The following FOXO3 variants were observed in gnomAD, a reference collection of about 807,000 sequenced individuals.
FOXO3 encodes forkhead box protein O3.
A neutral mutation model predicts 41.9 loss-of-function variants in FOXO3; 4 were observed. The ratio of observed to expected loss-of-function variants is 0.10; its 90% CI spans 0.05 to 0.22. The LOEUF (loss-of-function observed/expected upper bound fraction) is 0.22. FOXO3 is among the 10% of genes least tolerant of loss of function. The pLI is 1.00. For missense variants in FOXO3, 534 were observed against 906.8 expected (o/e 0.59, Z 5.28); for synonymous variants, 318 against 389.3 (o/e 0.82, Z 2.16).
chr6:108,608,141 C>T (rs1312742866), intron 1 of FOXO3, among the ~76,000 whole-genome samples: 1 of 152,158 alleles, frequency 6.6e-6, no homozygotes, highest in Non-Finnish European at 1.5e-5. Context: ...TGTGCAAATT[C>T]ATATGCATAC....
chr6:108,663,435 A>G lies in FOXO3; in HGVS notation c.622-20A>G. 6.3e-7 allele frequency: 1 copy of G among 1,584,800 alleles called. No homozygotes were observed. The highest frequency in any genetic ancestry group is 1.4e-5 in the African/African-American group (1 of 73,882). On this transcript the variant is annotated intron_variant, in intron 1 of 2. Coordinates refer to ENST00000406360, the MANE Select transcript of FOXO3 (RefSeq NM_001455.4). ...TGGACCATTCTGGTTCATACTCTGT[A>G]TTTTCTTTTCTCCCTGCAGAACTCC...
chr6:108,615,784 C>T lies in FOXO3; in HGVS notation c.622-47671C>T, dbSNP rs147590782. 2.9e-3 allele frequency among the ~76,000 whole-genome samples: 446 copies of T among 152,140 alleles called. 1 individual carries two copies. The highest frequency in any genetic ancestry group is 8.3e-3 in the South Asian group (40 of 4,824). ...TCATTTTCAGTCTTTCCCTGTGCTT[C>T]ATTTGGGTTAGTTGGTTAGTTGCTG... On this transcript the variant is annotated intron_variant, in intron 1 of 2. Transcript: ENST00000406360.
intron 1 of FOXO3, among the ~76,000 whole-genome samples, chr6:108,569,220 A>G (rs1241392438): frequency 2.6e-5 from 4 of 152,196 alleles, no homozygotes; most frequent in Admixed American, 2.0e-4. Flanking sequence ...TATTTCAAGG[A>G]CCAGTCTGCA....
intron 1 of FOXO3, among the ~76,000 whole-genome samples, chr6:108,658,978 A>G (rs1485766520): frequency 1.3e-5 from 2 of 152,024 alleles, no homozygotes; most frequent in Non-Finnish European, 2.9e-5. Flanking sequence ...TCAGCCTCCC[A>G]GGCACAAGTG....
At chr6:108,604,558 T>C (rs1431774738) in intron 1 of FOXO3, among the ~76,000 whole-genome samples, 6 of 152,230 alleles carry the variant, frequency 3.9e-5, no homozygotes, top group Non-Finnish European at 8.8e-5. Flanking sequence ...ATAATCAGTT[T>C]GCTTTCTTGT....
At chr6:108,650,698 C>G (rs1178404472) in intron 1 of FOXO3, among the ~76,000 whole-genome samples, 1 of 152,166 alleles carries the variant, frequency 6.6e-6, no homozygotes, top group Admixed American at 6.5e-5. Flanking sequence ...AATTAACTTA[C>G]ACATTTGGGA....
intron 1 of FOXO3, among the ~76,000 whole-genome samples, chr6:108,594,448 C>T (rs1776818082): frequency 6.6e-6 from 1 of 152,102 alleles, no homozygotes; most frequent in Non-Finnish European, 1.5e-5. Context: ...AGGTATGATC[C>T]AGCCCCATGG....
chr6:108,591,242 G>A (rs1776726318), intron 1 of FOXO3, among the ~76,000 whole-genome samples: 1 of 152,204 alleles, frequency 6.6e-6, no homozygotes, highest in African/African-American at 2.4e-5. Context: ...AACCAGGCCT[G>A]TTGTAGACAG....
intron 1 of FOXO3, among the ~76,000 whole-genome samples, chr6:108,608,363 A>T (rs751499474): frequency 6.6e-6 from 1 of 152,250 alleles, no homozygotes; most frequent in Non-Finnish European, 1.5e-5. Flanking sequence ...TCTTACAAGT[A>T]GTTCTGCCAA....
In FOXO3 at chr6:108,637,447, G is replaced by A. The variant is rs544936332; in HGVS notation, c.622-26008G>A. Among the ~76,000 whole-genome samples, 234 of 152,192 alleles carry A rather than the reference G, an allele frequency of 1.5e-3. 1 individual carries two copies. Among genetic ancestry groups the A allele is most frequent in the Non-Finnish European group, 1.7e-3 (116 of 68,006 alleles). ...CGTGGTTCTCCCCCAGAATACTGGGGGGCAAATCTCGTTCAATAATAGAAA... is the reference window on the plus strand; with the variant it reads ...CGTGGTTCTCCCCCAGAATACTGGGAGGCAAATCTCGTTCAATAATAGAAA... On this transcript the variant is annotated intron_variant, in intron 1 of 2. Coordinates refer to ENST00000406360, the MANE Select transcript of FOXO3 (RefSeq NM_001455.4).
intron 1 of FOXO3, among the ~76,000 whole-genome samples, chr6:108,581,764 T>C (rs974135427): frequency 2.0e-5 from 3 of 152,176 alleles, no homozygotes; most frequent in Non-Finnish European, 4.4e-5. Flanking sequence ...ATTCTGTCTG[T>C]GAACTAAATC....
At chr6:108,636,439 C>T (rs1047426526) in intron 1 of FOXO3, among the ~76,000 whole-genome samples, 8 of 152,092 alleles carry the variant, frequency 5.3e-5, no homozygotes, top group African/African-American at 1.7e-4. Context: ...CAGGTTAAAC[C>T]TTCGGGAATA....
chr6:108,623,731 A>G (rs1562248320), intron 1 of FOXO3, among the ~76,000 whole-genome samples: 1 of 152,152 alleles, frequency 6.6e-6, no homozygotes. Flanking sequence ...AATAAAGGGG[A>G]AGGGAAGGAA....
At chr6:108,678,493 CTTTTTTT>C (rs11417953) in intron 2 of FOXO3, among the ~76,000 whole-genome samples, 3 of 143,682 alleles carry the variant, frequency 2.1e-5, no homozygotes, top group Non-Finnish European at 4.5e-5. Flanking sequence ...TATGAATATA[CTTTTTTT>C]TTTTTTTTTA....
chr6:108,648,093 C>T (rs1301419139), intron 1 of FOXO3, among the ~76,000 whole-genome samples: 1 of 152,164 alleles, frequency 6.6e-6, no homozygotes, highest in African/African-American at 2.4e-5. Context: ...CTGGAAGCAC[C>T]TCTGCCAAGG....
intron 1 of FOXO3, among the ~76,000 whole-genome samples, chr6:108,621,284 G>A (rs1315666052): frequency 6.6e-6 from 1 of 152,090 alleles, no homozygotes; most frequent in Non-Finnish European, 1.5e-5. Flanking sequence ...TAGTCATTGG[G>A]GTGACTCGTG....
At chr6:108,607,215 G>A (rs1484286732) in intron 1 of FOXO3, among the ~76,000 whole-genome samples, 1 of 152,136 alleles carries the variant, frequency 6.6e-6, no homozygotes, top group African/African-American at 2.4e-5. Flanking sequence ...ACTTTGGAAG[G>A]CCAAGGAGGG....
chr6:108,679,224 G>A (rs753813344), intron 2 of FOXO3, among the ~76,000 whole-genome samples: 1 of 152,020 alleles, frequency 6.6e-6, no homozygotes, highest in Non-Finnish European at 1.5e-5. Flanking sequence ...TCTTTTTATG[G>A]TGGGGAATAG....
intron 1 of FOXO3, among the ~76,000 whole-genome samples, chr6:108,589,766 G>A (rs2128362601): frequency 6.6e-6 from 1 of 152,258 alleles, no homozygotes; most frequent in Non-Finnish European, 1.5e-5. Context: ...GGGGACTTTT[G>A]GATTACACAG....
Sources: gnomAD v4.1 joint callset for allele counts (sites outside exome capture counted in the v4.1 genomes callset) on GRCh38, gnomAD v4.1.1 for gene constraint, MANE v1.5 for transcripts, NCBI Gene and HGNC (gene_info 2026-07-23, HGNC 2026-07-21) for gene names.